ZEB1: variants seen among roughly 807,000 people sequenced by gnomAD.
ZEB1 encodes zinc finger E-box binding homeobox 1.
In ZEB1, 21 loss-of-function variants were observed where a neutral mutation model predicts 84.9. The observed-to-expected ratio is 0.25, with a 90% CI of 0.18 to 0.36. The LOEUF (loss-of-function observed/expected upper bound fraction) is 0.36, where lower values mean the gene tolerates loss of function less well. Ranked by LOEUF, ZEB1 falls within the 10% of genes least tolerant of loss-of-function variation. The pLI is 1.00. For synonymous variants in ZEB1, 420 were observed against 471.1 expected (o/e 0.89, Z 1.41); for missense variants, 1,104 against 1,330.2 (o/e 0.83, Z 2.65).
intron 3 of ZEB1, among the ~76,000 whole-genome samples, chr10:31,499,313 CTG>C (rs1199248875): frequency 1.3e-5 from 2 of 152,050 alleles, no homozygotes. Context: ...ATTAAGGAAA[CTG>C]AAATATGTTA....
At chr10:31,440,961 C>T (rs1263874809) in intron 1 of ZEB1, among the ~76,000 whole-genome samples, 2 of 152,022 alleles carry the variant, frequency 1.3e-5, no homozygotes, top group Non-Finnish European at 2.9e-5. Context: ...GAATCAATAT[C>T]GTGAAAATGG....
At chr10:31,372,104 A>G (rs950301257) in intron 1 of ZEB1, among the ~76,000 whole-genome samples, 1 of 152,126 alleles carries the variant, frequency 6.6e-6, no homozygotes, top group Non-Finnish European at 1.5e-5. Flanking sequence ...AGTCTTACAT[A>G]GCTATCTAGT....
At chr10:31,456,852 T>C (rs1284580254) in intron 1 of ZEB1, among the ~76,000 whole-genome samples, 2 of 152,132 alleles carry the variant, frequency 1.3e-5, no homozygotes, top group Non-Finnish European at 2.9e-5. Flanking sequence ...GCACAATACA[T>C]TTAAAAATCA....
At chr10:31,372,545 A>G (rs1313000917) in intron 1 of ZEB1, among the ~76,000 whole-genome samples, 1 of 152,082 alleles carries the variant, frequency 6.6e-6, no homozygotes, top group Non-Finnish European at 1.5e-5. Flanking sequence ...TTGTCTTCCC[A>G]GTACAAAAAG....
chr10:31,457,050 T>G (rs1189624054), intron 1 of ZEB1, among the ~76,000 whole-genome samples: 1 of 151,982 alleles, frequency 6.6e-6, no homozygotes, highest in Non-Finnish European at 1.5e-5. Flanking sequence ...AAGTCATGTT[T>G]AAAGATTTTT....
chr10:31,338,085 C>T (rs2038567131), intron 1 of ZEB1, among the ~76,000 whole-genome samples: 1 of 152,120 alleles, frequency 6.6e-6, no homozygotes, highest in Non-Finnish European at 1.5e-5. Flanking sequence ...TTTGTAGTCA[C>T]TAAATTTACT....
chr10:31,475,763 A>G (rs1284388757), intron 2 of ZEB1, among the ~76,000 whole-genome samples: 1 of 152,154 alleles, frequency 6.6e-6, no homozygotes, highest in African/African-American at 2.4e-5. Context: ...CCACTACACC[A>G]TCTTACAAGA....
At chr10:31,445,701 T>C in intron 1 of ZEB1, among the ~76,000 whole-genome samples, 1 of 139,286 alleles carries the variant, frequency 7.2e-6, no homozygotes. Flanking sequence ...TGGCTCTGTT[T>C]ATATGCTGGA....
At chr10:31,353,313 A>G (rs371355931) in intron 1 of ZEB1, among the ~76,000 whole-genome samples, 1 of 152,374 alleles carries the variant, frequency 6.6e-6, no homozygotes, top group South Asian at 2.1e-4. Context: ...TCTTTGTCTT[A>G]CCAAGATAGT....
intron 1 of ZEB1, among the ~76,000 whole-genome samples, chr10:31,332,542 C>T (rs2037019108): frequency 6.6e-6 from 1 of 152,080 alleles, no homozygotes; most frequent in Admixed American, 6.6e-5. Flanking sequence ...GATATCAGTT[C>T]TGTGTCATAG....
intron 3 of ZEB1, among the ~76,000 whole-genome samples, chr10:31,496,638 C>T (rs2067277676): frequency 6.6e-6 from 1 of 152,014 alleles, no homozygotes; most frequent in Non-Finnish European, 1.5e-5. Context: ...TATACTTAAA[C>T]GTAGTGTAAT....
At chr10:31,415,418 A>T (rs2055044201) in intron 1 of ZEB1, among the ~76,000 whole-genome samples, 1 of 152,038 alleles carries the variant, frequency 6.6e-6, no homozygotes, top group Non-Finnish European at 1.5e-5. Context: ...GTTTTGGGAG[A>T]AGCCATTATC....
rs563375918 is a variant in ZEB1, at chr10:31,324,343, TA to T, written c.58+5055del. ...TCTGTTAAATTGAGAATGATATTTT[TA>T]AAATAAGAGCATAATGATTTCTCAT... is the stretch of plus-strand genomic sequence containing the variant. On this transcript the variant is annotated intron_variant, in intron 1 of 8. Coordinates refer to ENST00000424869, the MANE Select transcript of ZEB1 (RefSeq NM_001174096.2). Among the ~76,000 whole-genome samples the T allele has an allele frequency of 3.3e-3, 502 of 152,164 alleles. 4 individuals are homozygous for T. Among genetic ancestry groups the T allele is most frequent in the African/African-American group, 0.011 (470 of 41,572 alleles).
rs1330317508 is a variant in ZEB1 at position 31,467,215 on chromosome 10, G to A, written c.259+5978G>A. On this transcript the variant is annotated intron_variant, in intron 2 of 8. Transcript: ENST00000424869. ...AGGAGTTCCCACAACCCCTGAATAC[G>A]TTTGGATTGGTAGGAGGAGCTGCCT... Among the ~76,000 whole-genome samples, 9 of 152,110 alleles carry A rather than the reference G, an allele frequency of 5.9e-5. No individual in the cohort carries two copies. The South Asian group carries it at 8.3e-4, about 14-fold the overall frequency.
At chr10:31,346,406 A>T (rs1156459044) in intron 1 of ZEB1, among the ~76,000 whole-genome samples, 1 of 152,184 alleles carries the variant, frequency 6.6e-6, no homozygotes, top group Non-Finnish European at 1.5e-5. Flanking sequence ...AGGTAGGATG[A>T]TGTGAGTTTA....
At chr10:31,432,290 T>G (rs569072490) in intron 1 of ZEB1, among the ~76,000 whole-genome samples, 1 of 152,316 alleles carries the variant, frequency 6.6e-6, no homozygotes, top group East Asian at 1.9e-4. Flanking sequence ...ATTTAGAAAT[T>G]TAATTAACTA....
chr10:31,354,227 C>G (rs1351965819), intron 1 of ZEB1, among the ~76,000 whole-genome samples: 1 of 152,138 alleles, frequency 6.6e-6, no homozygotes, highest in African/African-American at 2.4e-5. Flanking sequence ...TTTTCAAACA[C>G]TGACTTTATA....
intron 1 of ZEB1, among the ~76,000 whole-genome samples, chr10:31,382,407 A>C (rs1456937086): frequency 4.6e-5 from 7 of 152,156 alleles, no homozygotes; most frequent in Admixed American, 4.6e-4. Context: ...CATTTTGTAA[A>C]ACATAGATTA....
At chr10:31,465,781 T>C in intron 2 of ZEB1, among the ~76,000 whole-genome samples, 1 of 128,974 alleles carries the variant, frequency 7.8e-6, no homozygotes. Flanking sequence ...ATGTGGCTAA[T>C]TTAAAAAAAA....
Sources: gnomAD v4.1 joint callset for allele counts (sites outside exome capture counted in the v4.1 genomes callset) on GRCh38, gnomAD v4.1.1 for gene constraint, MANE v1.5 for transcripts, NCBI Gene and HGNC (gene_info 2026-07-23, HGNC 2026-07-21) for gene names.